AFG2A: variants seen among roughly 807,000 people sequenced by gnomAD.
The protein encoded by AFG2A is ATPase family gene 2 protein homolog A.
the AFG2A span, among the ~76,000 whole-genome samples, chr4:123,254,919 C>T: frequency 1.3e-5 from 2 of 152,076 alleles, no homozygotes; most frequent in Non-Finnish European, 2.9e-5. Flanking sequence ...ATCTCTGAAA[C>T]AGCTAACAGC....
chr4:123,132,601 T>TATATATATATATGTGC, the AFG2A span, among the ~76,000 whole-genome samples: 4 of 147,934 alleles, frequency 2.7e-5, no homozygotes, highest in Non-Finnish European at 4.5e-5. Flanking sequence ...TGTGTACATA[T>TATATATATATATGTGC]ATATATATAT....
At chr4:123,167,094 C>G in the AFG2A span, among the ~76,000 whole-genome samples, 159 of 151,498 alleles carry the variant, frequency 1.0e-3, no homozygotes, top group African/African-American at 3.7e-3. Flanking sequence ...AAATAGTCCA[C>G]TGAATATAAT....
the AFG2A span, among the ~76,000 whole-genome samples, chr4:123,108,179 C>G: frequency 6.6e-6 from 1 of 152,154 alleles, no homozygotes; most frequent in Non-Finnish European, 1.5e-5. Flanking sequence ...CATCATTACT[C>G]CCAAGTTTCG....
chr4:123,224,825 C>T, the AFG2A span, among the ~76,000 whole-genome samples: 2 of 152,280 alleles, frequency 1.3e-5, no homozygotes, highest in African/African-American at 4.8e-5. Context: ...ACAGTCCCAC[C>T]AACAGTGTAA....
chr4:122,949,203 A>G, the AFG2A span, among the ~76,000 whole-genome samples: 3 of 152,204 alleles, frequency 2.0e-5, no homozygotes, highest in South Asian at 4.2e-4. Flanking sequence ...GGGCCATGCA[A>G]TTTTACAAAG....
the AFG2A span, among the ~76,000 whole-genome samples, chr4:123,156,308 C>G: frequency 6.6e-6 from 1 of 151,912 alleles, no homozygotes; most frequent in Non-Finnish European, 1.5e-5. Flanking sequence ...GGGTAGAATA[C>G]TGAAACAAAC....
At chr4:123,151,595 G>T in the AFG2A span, among the ~76,000 whole-genome samples, 2 of 152,194 alleles carry the variant, frequency 1.3e-5, no homozygotes, top group African/African-American at 4.8e-5. Flanking sequence ...TCTCTCACCA[G>T]TTAGAATGGT....
chr4:122,990,318 A>G, the AFG2A span, among the ~76,000 whole-genome samples: 802 of 152,266 alleles, frequency 5.3e-3, 7 homozygotes, highest in African/African-American at 0.018. Context: ...CCACCTTTCC[A>G]TCATCAGTTT....
chr4:123,127,759 G>C, the AFG2A span, among the ~76,000 whole-genome samples: 1 of 151,916 alleles, frequency 6.6e-6, no homozygotes, highest in Non-Finnish European at 1.5e-5. Flanking sequence ...TTTCCCCTAT[G>C]AACTTGAGAA....
the AFG2A span, among the ~76,000 whole-genome samples, chr4:122,973,430 C>G: frequency 0.82 from 124,309 of 151,400 alleles, 52,431 homozygotes; most frequent in East Asian, 0.96. Flanking sequence ...GTTTAATGTA[C>G]TTCCTTATTT....
At chr4:123,296,199 A>T in the AFG2A span, among the ~76,000 whole-genome samples, 1 of 152,118 alleles carries the variant, frequency 6.6e-6, no homozygotes, top group Non-Finnish European at 1.5e-5. Context: ...ATCAAACCTG[A>T]AACTCCCCAA....
At chr4:123,287,951 G>A in the AFG2A span, among the ~76,000 whole-genome samples, 13 of 152,210 alleles carry the variant, frequency 8.5e-5, no homozygotes, top group East Asian at 3.9e-4. Flanking sequence ...CACATGCTCC[G>A]AACACGAGTG....
At chr4:123,241,102 A>C in the AFG2A span, among the ~76,000 whole-genome samples, 1 of 152,228 alleles carries the variant, frequency 6.6e-6, no homozygotes, top group Non-Finnish European at 1.5e-5. Context: ...GAATCTCTGA[A>C]TAGACCAATA....
At chr4:123,142,171 T>G in the AFG2A span, among the ~76,000 whole-genome samples, 1 of 152,178 alleles carries the variant, frequency 6.6e-6, no homozygotes. Context: ...TTTTAATTGT[T>G]TTTGGATACT....
chr4:123,041,524 GT>G, the AFG2A span, among the ~76,000 whole-genome samples: 4 of 151,064 alleles, frequency 2.6e-5, no homozygotes, highest in African/African-American at 9.8e-5. Flanking sequence ...GGGTTTTTTT[GT>G]TTGTTTGTTT....
chr4:123,178,141 G>A, the AFG2A span, among the ~76,000 whole-genome samples: 1 of 152,116 alleles, frequency 6.6e-6, no homozygotes, highest in South Asian at 2.1e-4. Flanking sequence ...GATTTAGAGG[G>A]TACAAATGCA....
At chr4:122,971,629 C>T in the AFG2A span, among the ~76,000 whole-genome samples, 2 of 152,042 alleles carry the variant, frequency 1.3e-5, no homozygotes, top group African/African-American at 4.8e-5. Context: ...TAATCCTTAT[C>T]TCATTCTTGA....
the AFG2A span, chr4:123,315,323 G>A: frequency 6.6e-6 from 1 of 151,066 alleles, no homozygotes; most frequent in Non-Finnish European, 1.4e-5. Context: ...GAGTAGCTGG[G>A]ACTACAGGTG....
the AFG2A span, among the ~76,000 whole-genome samples, chr4:123,230,531 T>C: frequency 6.6e-6 from 1 of 151,958 alleles, no homozygotes; most frequent in Non-Finnish European, 1.5e-5. Context: ...CTCAAAGTTA[T>C]TCCTGAGGGT....
Sources: allele counts gnomAD v4.1 joint callset (sites outside exome capture counted in the v4.1 genomes callset), GRCh38; gene constraint gnomAD v4.1.1; transcripts MANE v1.5; gene names NCBI Gene and HGNC (gene_info 2026-07-23, HGNC 2026-07-21).